The following MYL2 variants were observed in gnomAD, a reference collection of about 807,000 sequenced individuals.
MYL2 encodes the protein myosin light chain 2, also known as myosin regulatory light chain 2, ventricular/cardiac muscle isoform.
Under a neutral mutation model 23.0 loss-of-function variants are expected in MYL2, and 19 were observed. The ratio of observed to expected loss-of-function variants is 0.83; its 90% confidence interval spans 0.58 to 1.21. MYL2 has a LOEUF of 1.21. Ranked by LOEUF, MYL2 falls within the 50% of genes most tolerant of loss-of-function variation. The pLI, the probability that MYL2 is intolerant of heterozygous loss-of-function variation, is 0.00. For synonymous variants in MYL2, 78 were observed against 76.2 expected (o/e 1.02, Z -0.13); for missense variants, 180 against 215.1 (o/e 0.84, Z 1.02).
intron 1 of MYL2, among the ~76,000 whole-genome samples, chr12:110,919,394 C>T (rs1248528569): frequency 2.6e-5 from 4 of 152,190 alleles, no homozygotes; most frequent in Non-Finnish European, 5.9e-5. Context: ...CTCCAGAGCC[C>T]TCTGGTACCA....
intron 2 of MYL2, 96 bp downstream of exon 2, chr12:110,919,008 A>G: frequency 8.8e-7 from 1 of 1,133,284 alleles, no homozygotes; most frequent in South Asian, 1.3e-5. Context: ...AGAGGCATCT[A>G]ATGAAAGGTC....
intron 2 of MYL2, among the ~76,000 whole-genome samples, chr12:110,916,876 T>G (rs2071690897): frequency 6.6e-6 from 1 of 151,986 alleles, no homozygotes; most frequent in Non-Finnish European, 1.5e-5. Context: ...TGAGAAAGAG[T>G]CTTGCTATGT....
Position 110,918,219 on chromosome 12 carries a change from C to T in MYL2, c.93+885G>A, listed in dbSNP as rs1053067110. 5.9e-5 allele frequency among the ~76,000 whole-genome samples: 9 copies of T among 152,188 alleles called. No homozygotes were observed. Among genetic ancestry groups the T allele is most frequent in the Admixed American group, 5.2e-4 (8 of 15,286 alleles). On this transcript the variant is annotated intron_variant, in intron 2 of 6. Transcript: ENST00000228841. This position sits in a 1 kb window ranked among gnomAD's most constrained non-coding sequence, Gnocchi z 4.4. The stretch of plus-strand genomic sequence containing the variant: ...GAAAATGAATTCTGAGCCTGTCCAT[C>T]CAAGCCCGTGTGCAGTTTGGCCTAA...
rs1457942143 is a variant in MYL2, at chr12:110,910,929, C to A, written c.*148G>T. 2 of 760,960 alleles carry A rather than the reference C, an allele frequency of 2.6e-6. No individual in the cohort carries two copies. Among genetic ancestry groups the A allele is most frequent in the Admixed American group, 2.0e-5 (1 of 50,596 alleles). The allele number at this position is 760,960 out of a possible 1,614,324, so 47.1% of individuals were successfully genotyped here. On this transcript the variant is annotated 3_prime_UTR_variant, in exon 7 of 7. Transcript: ENST00000228841. ...GCGGCCACGAAGTACCCATAGCCAC[C>A]CAGGCTGCAAAGAAGATGGAGGTGG... is the stretch of plus-strand genomic sequence containing the variant.
intron 6 of MYL2, 55 bp downstream of exon 6, chr12:110,913,041 C>T: frequency 6.2e-7 from 1 of 1,603,376 alleles, no homozygotes; most frequent in Non-Finnish European, 8.5e-7. Context: ...ACGGAGCCCC[C>T]CAGAAGGAGA....
Position 110,911,174 on chromosome 12 carries a change from A to G in MYL2, c.404T>C (p.Val135Ala). The G allele has an allele frequency of 1.4e-6, 2 of 1,452,184 alleles. No individual in the cohort carries two copies. The highest frequency in any genetic ancestry group is 9.3e-7 in the Non-Finnish European group (1 of 1,079,208). 90.0% of individuals were successfully genotyped at this position (1,452,184 alleles called of 1,614,324 possible). The change falls in exon 7 of 7, where the codon GTT (valine) becomes GCT (alanine). Residue 135 changes from valine to alanine, a missense_variant and splice_region_variant. Coordinates refer to ENST00000228841, the MANE Select transcript of MYL2 (RefSeq NM_000432.4). Reference sequence around the variant, plus strand: ...GGGGAAGGCGGCGAACATCTGGTCAACCTGCAATGAGCCAGCAACACGTGC... The same window carrying G: ...GGGGAAGGCGGCGAACATCTGGTCAGCCTGCAATGAGCCAGCAACACGTGC... ...TQAERFSKEEVDQMFAAFPPD... is the reference protein window; with the variant it reads ...TQAERFSKEEADQMFAAFPPD...
intron 4 of MYL2, 27 bp downstream of exon 4, chr12:110,914,157 CAG>C (rs769832281): frequency 5.4e-6 from 8 of 1,485,828 alleles, no homozygotes; most frequent in African/African-American, 1.4e-5. Context: ...CACATACACA[CAG>C]ACACACACAC....
In MYL2 at chr12:110,919,183, T is replaced by C. The variant is rs730880941; in HGVS notation, c.14A>G (p.Lys5Arg). MAPK[K>R]AKKRAGGANS... ...GGCGCCCCCGGCTCTCTTCTTTGCTTTCTTAGGTGCCTGGGGGAAAAAAGC... is the reference window on the plus strand; with the variant it reads ...GGCGCCCCCGGCTCTCTTCTTTGCTCTCTTAGGTGCCTGGGGGAAAAAAGC... The change falls in exon 2 of 7, where the codon AAA becomes AGA. Residue 5 changes from lysine (K) to arginine (R), a missense_variant. Coordinates refer to ENST00000228841, the MANE Select transcript of MYL2 (RefSeq NM_000432.4). 1.2e-6 allele frequency: 2 copies of C among 1,613,408 alleles called. No individual in the cohort carries two copies. Among genetic ancestry groups the C allele is most frequent in the Non-Finnish European group, 1.7e-6 (2 of 1,179,954 alleles).
chr12:110,914,769 C>A (rs1313181881), intron 3 of MYL2, among the ~76,000 whole-genome samples: 1 of 152,224 alleles, frequency 6.6e-6, no homozygotes, highest in African/African-American at 2.4e-5. Context: ...GTCCTCCAGC[C>A]TACGCCTCCC....
At chr12:110,913,701 G>T (rs2071669464) in intron 4 of MYL2, among the ~76,000 whole-genome samples, 1 of 152,194 alleles carries the variant, frequency 6.6e-6, no homozygotes, top group Non-Finnish European at 1.5e-5. Context: ...TGGTTAGCAT[G>T]AGGTCTGACT....
In MYL2 at chr12:110,912,322, A is replaced by G. The variant is rs534432116; in HGVS notation, c.402+774T>C. ...TGAAAAAAAAAAAAATTATTACCAG[A>G]CACTTTACTGCCAGTTCTGGAAAGC... On this transcript the variant is annotated intron_variant, in intron 6 of 6. Coordinates refer to ENST00000228841, the MANE Select transcript of MYL2 (RefSeq NM_000432.4). 2.6e-5 allele frequency among the ~76,000 whole-genome samples: 4 copies of G among 152,286 alleles called. No homozygotes were observed. The South Asian group carries it at 8.3e-4, about 32-fold the overall frequency.
In MYL2 at chr12:110,914,206, A is replaced by G. The variant is rs1592800278; in HGVS notation, c.254T>C (p.Met85Thr). The change falls in exon 4 of 7, where the codon ATG (methionine) becomes ACG (threonine). Residue 85 changes from methionine to threonine, a missense_variant. Met to Thr is a moderately conservative substitution (Grantham distance 81). Transcript: ENST00000228841. ...CTTACCCTTAAGTTTCTCCCCAAAC[A>G]TTGTGAGGAACACAGTAAAGTTAAT... ...GPINFTVFLTMFGEKLKGADP... is the reference protein window; with the variant it reads ...GPINFTVFLTTFGEKLKGADP... 2 of 1,613,880 alleles carry G rather than the reference A, an allele frequency of 1.2e-6. No individual in the cohort carries two copies. Among genetic ancestry groups the G allele is most frequent in the Non-Finnish European group, 1.7e-6 (2 of 1,179,812 alleles).
At position 110,913,095 on chromosome 12, in the gene MYL2, C is replaced by A. The variant is rs1555257746; in HGVS notation, c.402+1G>T. 6.2e-7 allele frequency: 1 copy of A among 1,614,178 alleles called. No individual in the cohort carries two copies. On this transcript the variant is annotated splice_donor_variant, in intron 6 of 6. Coordinates refer to ENST00000228841, the MANE Select transcript of MYL2 (RefSeq NM_000432.4). LOFTEE classifies it high-confidence loss of function. ...AGGGAGTGCTTGAAGGACCCCATTA[C>A]CTCCTCCTTGGAAAACCTCTCCGCC...
chr12:110,919,525 T>C (rs1027256615), intron 1 of MYL2, among the ~76,000 whole-genome samples: 2 of 152,220 alleles, frequency 1.3e-5, no homozygotes, highest in Admixed American at 6.5e-5. Flanking sequence ...CCAGCCACTT[T>C]TGTTCTGATG....
At position 110,918,498 on chromosome 12, in the gene MYL2, C is replaced by T. The variant is rs1220973460; in HGVS notation, c.93+606G>A. On this transcript the variant is annotated intron_variant, in intron 2 of 6. Coordinates refer to ENST00000228841, the MANE Select transcript of MYL2 (RefSeq NM_000432.4). This position sits in a 1 kb window ranked among gnomAD's most constrained non-coding sequence, Gnocchi z 4.4. Reference sequence around the variant, plus strand: ...GGGGCAATTCGGACCAGCAGTTCTGCCTGTTTTTAGTTCTTTTGTTGTTGT... The same window carrying T: ...GGGGCAATTCGGACCAGCAGTTCTGTCTGTTTTTAGTTCTTTTGTTGTTGT... Among the ~76,000 whole-genome samples, 1 of 152,020 alleles carries T rather than the reference C, an allele frequency of 6.6e-6. No homozygotes were observed. The highest frequency in any genetic ancestry group is 1.5e-5 in the Non-Finnish European group (1 of 68,024).
intron 1 of MYL2, 128 bp from the exon 2 acceptor site, chr12:110,919,321 G>A: frequency 4.2e-6 from 3 of 718,434 alleles, no homozygotes; most frequent in Non-Finnish European, 7.0e-6. Flanking sequence ...TGTGGGTACA[G>A]CATCCACACT....
rs730880943 is a variant in MYL2 at position 110,919,148 on chromosome 12, C to T, written c.49G>A (p.Val17Met). Residue 17 changes from valine to methionine, a missense_variant, in exon 2 of 7, where the codon GTG (valine) becomes ATG (methionine). Transcript: ENST00000228841. ...TGGGTCTGTTCGAACATGGAGAACA[C>T]GTTGGAGTTGGCGCCCCCGGCTCTC... The part of the protein sequence containing the change: ...KKRAGGANSN[V>M]FSMFEQTQIQ... 15 of 1,613,874 alleles carry T rather than the reference C, an allele frequency of 9.3e-6. No homozygotes were observed. Among genetic ancestry groups the T allele is most frequent in the East Asian group, 6.7e-5 (3 of 44,882 alleles).
chr12:110,919,712 C>T (rs2071708300), intron 1 of MYL2, among the ~76,000 whole-genome samples: 1 of 152,162 alleles, frequency 6.6e-6, no homozygotes, highest in Non-Finnish European at 1.5e-5. Flanking sequence ...AGCAAAACCT[C>T]CTCTCTGAAT....
upstream of MYL2, chr12:110,920,717 T>A: frequency 1.2e-6 from 1 of 803,668 alleles, no homozygotes; most frequent in Non-Finnish European, 2.1e-6. Flanking sequence ...GAAGTAAGGG[T>A]GGCTCACTCG....
Sources: gnomAD v4.1 joint callset for allele counts (sites outside exome capture counted in the v4.1 genomes callset) on GRCh38, gnomAD v4.1.1 for gene constraint, Gnocchi (gnomAD v3.1) non-coding constraint, MANE v1.5 for transcripts, NCBI Gene and HGNC (gene_info 2026-07-23, HGNC 2026-07-21) for gene names.